WDR1: variants seen among roughly 807,000 people sequenced by gnomAD.
The protein encoded by WDR1 is WD repeat domain 1, also known as WD repeat-containing protein 1.
A neutral mutation model predicts 71.9 loss-of-function variants in WDR1; 21 were observed. The observed-to-expected ratio is 0.29, with a 90% confidence interval of 0.21 to 0.42. The LOEUF is 0.42. WDR1 is among the 10% of genes least tolerant of loss of function. The pLI, the probability that WDR1 is intolerant of heterozygous loss-of-function variation, is 1.00. For missense variants in WDR1, 696 were observed against 824.5 expected (o/e 0.84, Z 1.91); for synonymous variants, 424 against 347.4 (o/e 1.22, Z -2.45).
intron 2 of WDR1, among the ~76,000 whole-genome samples, chr4:10,110,771 G>A (rs1713301036): frequency 6.6e-6 from 1 of 152,180 alleles, no homozygotes; most frequent in Non-Finnish European, 1.5e-5. Flanking sequence ...ATTTGGGGCT[G>A]GACAGTTCTT....
intron 2 of WDR1, among the ~76,000 whole-genome samples, chr4:10,104,354 G>A (rs139223444): frequency 6.6e-6 from 1 of 152,296 alleles, no homozygotes; most frequent in Non-Finnish European, 1.5e-5. Flanking sequence ...TTTGTGGGAA[G>A]CTGCATTCAT....
chr4:10,075,473 G>A lies in WDR1; in HGVS notation c.1726C>T (p.Leu576=). 1.2e-6 allele frequency: 2 copies of A among 1,613,992 alleles called. No individual in the cohort carries two copies. Among genetic ancestry groups the A allele is most frequent in the Middle Eastern group, 1.6e-4 (1 of 6,062 alleles). Residue 576 remains leucine, a synonymous_variant, in exon 15 of 15, where the codon CTG becomes TTG. Coordinates refer to ENST00000499869, the MANE Select transcript of WDR1 (RefSeq NM_017491.5). ...TRVKIQDAHR[L]HHVSSLAWLD... ...CAGGCCAGGCTGCTGACATGGTGCAGCCGGTGTGCATCTGGGAAGAAAGGG... is the reference window on the plus strand; with the variant it reads ...CAGGCCAGGCTGCTGACATGGTGCAACCGGTGTGCATCTGGGAAGAAAGGG...
chr4:10,105,384 C>T (rs551102415), intron 2 of WDR1, among the ~76,000 whole-genome samples: 4 of 152,324 alleles, frequency 2.6e-5, no homozygotes, highest in Admixed American at 2.0e-4. Flanking sequence ...TAAGACTTAA[C>T]ACAGCATTAT....
chr4:10,116,299 G>A (rs1247793204), intron 1 of WDR1, 65 bp from the exon 2 acceptor site: 1 of 1,606,268 alleles, frequency 6.2e-7, no homozygotes, highest in Non-Finnish European at 8.5e-7. Context: ...ACAGAAGGGA[G>A]AAGGAGCCCC....
At chr4:10,086,343 A>G (rs1222166672) in intron 8 of WDR1, among the ~76,000 whole-genome samples, 1 of 152,208 alleles carries the variant, frequency 6.6e-6, no homozygotes, top group Non-Finnish European at 1.5e-5. Context: ...GGCCACGTCT[A>G]GTGAACCTTT....
chr4:10,092,696 G>C (rs894679700), intron 5 of WDR1: 1 of 265,644 alleles, frequency 3.8e-6, no homozygotes, highest in African/African-American at 2.2e-5. Flanking sequence ...GAGAAGCCGC[G>C]AAAAGCCCAT....
At chr4:10,098,221 G>C (rs897224267) in intron 4 of WDR1, among the ~76,000 whole-genome samples, 7 of 152,224 alleles carry the variant, frequency 4.6e-5, no homozygotes, top group Non-Finnish European at 8.8e-5. Flanking sequence ...GGAGGGAACA[G>C]TTACCATCCC....
At chr4:10,084,893 G>A (rs1005942165) in intron 8 of WDR1, among the ~76,000 whole-genome samples, 11 of 152,210 alleles carry the variant, frequency 7.2e-5, no homozygotes, top group African/African-American at 2.2e-4. Context: ...CACCCGTCGC[G>A]GGGAGCCACA....
intron 2 of WDR1, among the ~76,000 whole-genome samples, chr4:10,111,812 G>A (rs1195599963): frequency 1.4e-5 from 2 of 145,628 alleles, no homozygotes; most frequent in African/African-American, 5.2e-5. Context: ...CCCCCACTTG[G>A]TCTGCCCCCT....
intron 3 of WDR1, among the ~76,000 whole-genome samples, chr4:10,099,824 A>G (rs1560540953): frequency 6.6e-6 from 1 of 152,236 alleles, no homozygotes; most frequent in African/African-American, 2.4e-5. Flanking sequence ...TTCTTCTGTG[A>G]GAGTAGCAGG....
At chr4:10,084,358 T>C in intron 9 of WDR1, 85 bp downstream of exon 9, 1 of 1,296,374 alleles carries the variant, frequency 7.7e-7, no homozygotes, top group Admixed American at 2.0e-5. Context: ...GCCACCTGGC[T>C]GGCCTGGCCT....
At position 10,077,823 on chromosome 4, in the gene WDR1, T is replaced by C. The variant is rs1764859095; in HGVS notation, c.1499A>G (p.Asp500Gly). The part of the protein sequence containing the change: ...GPVTDVAYSH[D>G]GAFLAVCDAS... ...GTCGCACACCGCGAGGAAGGCGCCG[T>C]CGTGGGAGTAGGCCACGTCGGTCAC... Residue 500 changes from aspartate (D) to glycine (G), a missense_variant, in exon 13 of 15, where the codon GAC (aspartate) becomes GGC (glycine). Coordinates refer to ENST00000499869, the MANE Select transcript of WDR1 (RefSeq NM_017491.5). 2 of 1,607,944 alleles carry C rather than the reference T, an allele frequency of 1.2e-6. No individual in the cohort carries two copies. Among genetic ancestry groups the C allele is most frequent in the Non-Finnish European group, 1.7e-6 (2 of 1,177,490 alleles).
chr4:10,077,806 C>T lies in WDR1; in HGVS notation c.1516G>A (p.Val506Met). 2 of 1,605,558 alleles carry T rather than the reference C, an allele frequency of 1.2e-6. No homozygotes were observed. The highest frequency in any genetic ancestry group is 2.3e-5 in the East Asian group (1 of 44,396). ...AYSHDGAFLAVCDASKVVTVF... is the reference protein window; with the variant it reads ...AYSHDGAFLAMCDASKVVTVF... Reference sequence around the variant, plus strand: ...GTGACCACCTTGCTGGCGTCGCACACCGCGAGGAAGGCGCCGTCGTGGGAG... The same window carrying T: ...GTGACCACCTTGCTGGCGTCGCACATCGCGAGGAAGGCGCCGTCGTGGGAG... The change falls in exon 13 of 15, where the codon GTG becomes ATG. Residue 506 changes from valine (V) to methionine (M), a missense_variant. Coordinates refer to ENST00000499869, the MANE Select transcript of WDR1 (RefSeq NM_017491.5).
At chr4:10,109,505 G>GCTGTTTGGTACAGTGTA (rs1342438512) in intron 2 of WDR1, among the ~76,000 whole-genome samples, 16 of 152,222 alleles carry the variant, frequency 1.1e-4, no homozygotes, top group Non-Finnish European at 1.6e-4. Context: ...CAGTGTACAG[G>GCTGTTTGGTACAGTGTA]CAGCTCCTTG....
Position 10,077,440 on chromosome 4 carries a change from A to G in WDR1, c.1578T>C (p.Asn526=). ...FSVADGYSEN[N]VFYGHHAKIV... ...TTTTTGCATGGTGTCCATAAAAAAC[A>G]TTGTTCTCCTAGTTGCAGGTTGAAA... The change falls in exon 14 of 15, where the codon AAT becomes AAC. Residue 526 remains asparagine, a synonymous_variant. Coordinates refer to ENST00000499869, the MANE Select transcript of WDR1 (RefSeq NM_017491.5). 3 of 1,613,938 alleles carry G rather than the reference A, an allele frequency of 1.9e-6. No individual in the cohort carries two copies. The highest frequency in any genetic ancestry group is 2.5e-6 in the Non-Finnish European group (3 of 1,179,846).
At chr4:10,080,520 C>T (rs1031930371) in intron 11 of WDR1, among the ~76,000 whole-genome samples, 2 of 152,218 alleles carry the variant, frequency 1.3e-5, no homozygotes, top group Admixed American at 6.5e-5. Flanking sequence ...CAGAGAAATC[C>T]ACTGTCCCTA....
intron 3 of WDR1, among the ~76,000 whole-genome samples, chr4:10,100,432 T>C (rs1712617956): frequency 6.6e-6 from 1 of 152,168 alleles, no homozygotes; most frequent in African/African-American, 2.4e-5. Context: ...AAGAGCTCGT[T>C]ACGAGTCAGG....
At chr4:10,111,841 ACT>A (rs1439918249) in intron 2 of WDR1, among the ~76,000 whole-genome samples, 1 of 141,132 alleles carries the variant, frequency 7.1e-6, no homozygotes. Flanking sequence ...AGAAAAGTCC[ACT>A]GATACTGCGC....
chr4:10,078,714 G>C, intron 12 of WDR1, 177 bp downstream of exon 12: 1 of 561,108 alleles, frequency 1.8e-6, no homozygotes, highest in Non-Finnish European at 3.2e-6. Flanking sequence ...TCCAGCCCTG[G>C]GTGGCAGGAG....
Sources: gnomAD v4.1 joint callset for allele counts (sites outside exome capture counted in the v4.1 genomes callset) on GRCh38, gnomAD v4.1.1 for gene constraint, MANE v1.5 for transcripts, NCBI Gene and HGNC (gene_info 2026-07-23, HGNC 2026-07-21) for gene names.